ANO1: variants seen among roughly 807,000 people sequenced by gnomAD.
The protein encoded by ANO1 is anoctamin-1.
In ANO1, 59 loss-of-function variants were observed where a neutral mutation model predicts 124.0. The ratio of observed to expected loss-of-function variants is 0.48; its 90% CI spans 0.39 to 0.59. The LOEUF (loss-of-function observed/expected upper bound fraction) is 0.59, where lower values mean the gene tolerates loss of function less well. Among genes scored for constraint, ANO1 ranks in the 20% least tolerant of loss-of-function variants. The pLI is 0.00. For synonymous variants in ANO1, 529 were observed against 532.0 expected, an observed-to-expected ratio of 0.99 and a Z score of 0.08; for missense variants, 1,059 against 1,328.0, an observed-to-expected ratio of 0.80 and a Z score of 3.15.
At chr11:70,084,503 C>G (rs923306995) in intron 1 of ANO1, among the ~76,000 whole-genome samples, 3 of 152,172 alleles carry the variant, frequency 2.0e-5, no homozygotes, top group Non-Finnish European at 2.9e-5. Flanking sequence ...CTCAGTGAAG[C>G]CTCCCGCTGC....
At chr11:69,994,107 C>CGT (rs1264623480) in intron 1 of ANO1, among the ~76,000 whole-genome samples, 2 of 151,058 alleles carry the variant, frequency 1.3e-5, no homozygotes, top group Non-Finnish European at 2.9e-5. Context: ...TCGTTAACCC[C>CGT]CCCCCACAGT....
intron 10 of ANO1, 133 bp downstream of exon 10, chr11:70,126,328 C>A: frequency 8.4e-7 from 1 of 1,190,964 alleles, no homozygotes; most frequent in South Asian, 1.8e-5. Flanking sequence ...CGCCAAGCCA[C>A]GAGCCGTCAG....
chr11:69,966,784 C>T, the ANO1 span, among the ~76,000 whole-genome samples: 1 of 152,314 alleles, frequency 6.6e-6, no homozygotes, highest in Non-Finnish European at 1.5e-5. Flanking sequence ...AGAGAGCAGA[C>T]TTCTAAGCAG....
chr11:70,185,783 T>TA, intron 25 of ANO1, 88 bp downstream of exon 25: 1 of 1,419,700 alleles, frequency 7.0e-7, no homozygotes, highest in East Asian at 2.3e-5. Context: ...CAGGAGCTGC[T>TA]AAAGCCAGGG....
chr11:70,137,050 T>G (rs35461845), intron 11 of ANO1, among the ~76,000 whole-genome samples: 3,267 of 147,306 alleles, frequency 0.022, 416 homozygotes, highest in Middle Eastern at 0.038. Flanking sequence ...GTGATGTCTA[T>G]GTGTGATCCA....
intron 12 of ANO1, among the ~76,000 whole-genome samples, chr11:70,151,713 G>A (rs910849753): frequency 4.6e-5 from 7 of 152,164 alleles, no homozygotes; most frequent in Non-Finnish European, 7.4e-5. Context: ...CACCCCCAGC[G>A]GCTGGTCAGG....
intron 2 of ANO1, 119 bp downstream of exon 2, chr11:70,088,203 A>C: frequency 2.5e-6 from 2 of 786,256 alleles, no homozygotes; most frequent in Non-Finnish European, 3.8e-6. Flanking sequence ...TTTTAGCTTT[A>C]AGCTGTTCTT....
At chr11:70,186,355 G>GAAGGAAGGAAGGA (rs2049123092) in intron 25 of ANO1, among the ~76,000 whole-genome samples, 1 of 73,262 alleles carries the variant, frequency 1.4e-5, no homozygotes, top group Non-Finnish European at 3.6e-5. Flanking sequence ...GGGGAGGGAG[G>GAAGGAAGGAAGGA]AAGGAAGGAA....
intron 18 of ANO1, among the ~76,000 whole-genome samples, chr11:70,162,820 C>G (rs888156288): frequency 6.6e-6 from 1 of 152,224 alleles, no homozygotes; most frequent in African/African-American, 2.4e-5. Flanking sequence ...CCTAGAAAGC[C>G]GAGAGGTTGT....
chr11:69,995,093 G>GTTTTTT (rs1278482378), intron 1 of ANO1, among the ~76,000 whole-genome samples: 15 of 21,628 alleles, frequency 6.9e-4, no homozygotes, highest in Admixed American at 1.5e-3. Flanking sequence ...TGCTGGCACT[G>GTTTTTT]TTTTTTTTTT....
chr11:70,155,972 T>C lies in ANO1; in HGVS notation c.1487T>C (p.Met496Thr), dbSNP rs1479638057. 2 of 1,526,838 alleles carry C rather than the reference T, an allele frequency of 1.3e-6. No individual in the cohort carries two copies. Among genetic ancestry groups the C allele is most frequent in the Admixed American group, 2.3e-5 (1 of 44,300 alleles). 94.6% of individuals were successfully genotyped at this position (1,526,838 alleles called of 1,614,324 possible). The change falls in exon 15 of 26, where the codon ATG (methionine) becomes ACG (threonine). Residue 496 changes from methionine (M) to threonine (T), a missense_variant. By Grantham distance (81) the Met-to-Thr change is moderately conservative. Coordinates refer to ENST00000355303, the MANE Select transcript of ANO1 (RefSeq NM_018043.7). ...TGGAAGCAGAGGGTTAAGACAGCCA[T>C]GGCGGGGGTGAAATTGGTACTTTTC... ...NKWKQRVKTA[M>T]AGVKLTDKVK...
intron 7 of ANO1, 103 bp from the exon 8 acceptor site, chr11:70,116,355 T>C (rs2045974072): frequency 3.4e-6 from 4 of 1,191,896 alleles, no homozygotes; most frequent in Non-Finnish European, 4.8e-6. Flanking sequence ...TTAATTTGTG[T>C]CAACGAGAGC....
chr11:70,082,473 T>C (rs1330352519), intron 1 of ANO1, among the ~76,000 whole-genome samples: 1 of 152,156 alleles, frequency 6.6e-6, no homozygotes, highest in Non-Finnish European at 1.5e-5. Flanking sequence ...GGCACAAGAA[T>C]TGCTTGAACC....
intron 19 of ANO1, among the ~76,000 whole-genome samples, chr11:70,164,345 T>A (rs940587542): frequency 1.3e-5 from 2 of 152,184 alleles, no homozygotes; most frequent in African/African-American, 4.8e-5. Context: ...CTGTCTGGAG[T>A]GCAGCCTAGA....
rs956702251 is a variant in ANO1 at position 70,116,169 on chromosome 11, C to T, written c.856-289C>T. Among the ~76,000 whole-genome samples the T allele has an allele frequency of 5.9e-5, 9 of 152,168 alleles. No homozygotes were observed. The South Asian group carries it at 8.3e-4, about 14-fold the overall frequency. On this transcript the variant is annotated intron_variant, in intron 7 of 25. Transcript: ENST00000355303. ...ATTTGTGTTTCTGGTTCCAAGGACCCGACCGTGGATCCTCTCCTAGAGTCC... is the reference window on the plus strand; with the variant it reads ...ATTTGTGTTTCTGGTTCCAAGGACCTGACCGTGGATCCTCTCCTAGAGTCC...
At chr11:69,975,165 T>G in the ANO1 span, among the ~76,000 whole-genome samples, 3 of 152,152 alleles carry the variant, frequency 2.0e-5, no homozygotes, top group Admixed American at 2.0e-4. Flanking sequence ...CTCTCACAGG[T>G]GCACCCGACA....
At chr11:70,048,877 G>T (rs1221720468) in intron 1 of ANO1, among the ~76,000 whole-genome samples, 1 of 152,118 alleles carries the variant, frequency 6.6e-6, no homozygotes, top group African/African-American at 2.4e-5. Context: ...GGACAGACAG[G>T]ATCCTGGACA....
At chr11:70,061,314 G>A (rs1476874630) in intron 1 of ANO1, among the ~76,000 whole-genome samples, 1 of 152,112 alleles carries the variant, frequency 6.6e-6, no homozygotes, top group African/African-American at 2.4e-5. Context: ...GCAGATGGGC[G>A]AAAAGAAAGC....
chr11:70,009,079 G>A (rs557828940), intron 1 of ANO1, among the ~76,000 whole-genome samples: 4 of 152,296 alleles, frequency 2.6e-5, no homozygotes, highest in East Asian at 1.9e-4. Flanking sequence ...GACATTTCCC[G>A]CATTCCTGGT....
Sources: allele counts gnomAD v4.1 joint callset (sites outside exome capture counted in the v4.1 genomes callset), GRCh38; gene constraint gnomAD v4.1.1; transcripts MANE v1.5; gene names NCBI Gene and HGNC (gene_info 2026-07-23, HGNC 2026-07-21).